TRPC5: variants seen among roughly 807,000 people sequenced by gnomAD.
TRPC5 encodes the protein transient receptor potential cation channel subfamily C member 5.
A neutral mutation model predicts 56.5 loss-of-function variants in TRPC5; 9 were observed. The observed-to-expected ratio is 0.16, with a 90% CI of 0.10 to 0.28. TRPC5 has a LOEUF of 0.28. Among genes scored for constraint, TRPC5 ranks in the 10% least tolerant of loss-of-function variants. The pLI, the probability that TRPC5 is intolerant of heterozygous loss-of-function variation, is 1.00. For synonymous variants in TRPC5, 282 were observed against 278.5 expected, an observed-to-expected ratio of 1.01 and a Z score of -0.13; for missense variants, 469 against 748.9, an observed-to-expected ratio of 0.63 and a Z score of 4.36.
chrX:111,973,578 C>T (rs1569528947), intron 1 of TRPC5, among the ~76,000 whole-genome samples: 1 of 111,530 alleles, frequency 9.0e-6, no homozygotes, highest in African/African-American at 3.3e-5. Context: ...TGCATACTGG[C>T]TTATAGTGAT....
intron 3 of TRPC5, among the ~76,000 whole-genome samples, chrX:111,909,438 G>A (rs1431282709): frequency 9.0e-6 from 1 of 110,791 alleles, no homozygotes; most frequent in African/African-American, 3.3e-5. Context: ...AAGTAAAATA[G>A]ACACTCCAAA....
chrX:112,061,307 G>A, intron 1 of TRPC5, among the ~76,000 whole-genome samples: 1 of 112,077 alleles, frequency 8.9e-6, no homozygotes, highest in Admixed American at 9.5e-5. Flanking sequence ...AGCCCTGTCA[G>A]ATTCCCTGTG....
chrX:111,907,082 A>T (rs62612026), intron 3 of TRPC5, among the ~76,000 whole-genome samples: 3,990 of 106,638 alleles, frequency 0.037, 89 homozygotes, highest in Non-Finnish European at 0.058. Flanking sequence ...CCATTCCCCT[A>T]CAGGCTTCTT....
intron 2 of TRPC5, among the ~76,000 whole-genome samples, chrX:111,932,846 T>C (rs1409717749): frequency 8.9e-6 from 1 of 111,840 alleles, no homozygotes; most frequent in Non-Finnish European, 1.9e-5. Context: ...CCTTCCTCCA[T>C]GAGGCTAATC....
intron 3 of TRPC5, among the ~76,000 whole-genome samples, chrX:111,899,195 AT>A (rs1229507203): frequency 1.8e-5 from 2 of 110,443 alleles, no homozygotes; most frequent in African/African-American, 3.3e-5. Context: ...AAGGTCACTA[AT>A]TTTTTTTCCC....
intron 7 of TRPC5, among the ~76,000 whole-genome samples, chrX:111,832,880 AAGG>A (rs1286793366): frequency 9.0e-6 from 1 of 111,431 alleles, no homozygotes; most frequent in African/African-American, 3.3e-5. Context: ...GCTCAGTGAG[AAGG>A]ACCACAGCCC....
chrX:112,016,168 A>T (rs1439918509), intron 1 of TRPC5, among the ~76,000 whole-genome samples: 1 of 111,702 alleles, frequency 9.0e-6, no homozygotes, highest in Non-Finnish European at 1.9e-5. Flanking sequence ...CTAGACAGAG[A>T]TGATGAGGTT....
chrX:111,809,136 C>T (rs1309382636), intron 7 of TRPC5, among the ~76,000 whole-genome samples: 1 of 110,902 alleles, frequency 9.0e-6, no homozygotes, highest in Non-Finnish European at 1.9e-5. Context: ...GTGGTACAAG[C>T]ACTCCCTTGG....
chrX:111,782,187 T>A (rs776298150), intron 7 of TRPC5, 49 bp from the exon 8 acceptor site: 3 of 1,071,672 alleles, frequency 2.8e-6, no homozygotes, highest in Non-Finnish European at 3.8e-6. Context: ...AACTGCACGA[T>A]GTACTCACTT....
intron 1 of TRPC5, among the ~76,000 whole-genome samples, chrX:111,986,425 TCC>T (rs766695680): frequency 4.4e-4 from 49 of 110,483 alleles, no homozygotes; most frequent in African/African-American, 1.6e-3. Context: ...ATAGTATACC[TCC>T]TCATGGTTTG....
At chrX:111,985,869 G>A (rs1928198547) in intron 1 of TRPC5, among the ~76,000 whole-genome samples, 1 of 111,671 alleles carries the variant, frequency 9.0e-6, no homozygotes, top group Non-Finnish European at 1.9e-5. Context: ...GCAGTTGAGT[G>A]CTGCACTTGG....
At chrX:112,006,520 C>T (rs1928849179) in intron 1 of TRPC5, among the ~76,000 whole-genome samples, 1 of 111,243 alleles carries the variant, frequency 9.0e-6, no homozygotes, top group South Asian at 3.8e-4. Flanking sequence ...GGAATTTGCC[C>T]AAAGTCATAC....
At chrX:111,913,876 C>T (rs1454910222) in intron 2 of TRPC5, among the ~76,000 whole-genome samples, 1 of 106,849 alleles carries the variant, frequency 9.4e-6, no homozygotes, top group African/African-American at 3.4e-5. Context: ...AGGAGAATGG[C>T]ATGAACCCAG....
At chrX:111,812,997 C>A (rs1246623518) in intron 7 of TRPC5, among the ~76,000 whole-genome samples, 2 of 112,169 alleles carry the variant, frequency 1.8e-5, no homozygotes, top group Non-Finnish European at 3.8e-5. Context: ...GTGGGACTAG[C>A]CTTTCACCTT....
intron 1 of TRPC5, among the ~76,000 whole-genome samples, chrX:111,982,575 T>C (rs895421715): frequency 9.0e-6 from 1 of 111,683 alleles, no homozygotes; most frequent in Admixed American, 9.5e-5. Flanking sequence ...TATGGAGTAG[T>C]AGTTCAATTT....
intron 1 of TRPC5, among the ~76,000 whole-genome samples, chrX:112,040,874 A>C (rs1348824406): frequency 8.9e-6 from 1 of 112,341 alleles, no homozygotes; most frequent in East Asian, 2.8e-4. Flanking sequence ...TCAGAGTTGA[A>C]GGAAATAGTG....
chrX:111,967,055 G>A (rs1461835435), intron 1 of TRPC5, among the ~76,000 whole-genome samples: 1 of 111,741 alleles, frequency 8.9e-6, no homozygotes, highest in Non-Finnish European at 1.9e-5. Flanking sequence ...GTTTGCAGAT[G>A]ACATGATTGT....
At chrX:111,848,742 C>T (rs1923000352) in intron 5 of TRPC5, among the ~76,000 whole-genome samples, 1 of 112,497 alleles carries the variant, frequency 8.9e-6, no homozygotes, top group Non-Finnish European at 1.9e-5. Context: ...ATTTGTGCTT[C>T]TGCTTCGGAT....
chrX:112,041,840 A>G (rs1200910165), intron 1 of TRPC5, among the ~76,000 whole-genome samples: 1 of 111,939 alleles, frequency 8.9e-6, no homozygotes, highest in Non-Finnish European at 1.9e-5. Context: ...AATATTGCTT[A>G]TAGCTCTGTA....
Sources: allele counts gnomAD v4.1 joint callset (sites outside exome capture counted in the v4.1 genomes callset), GRCh38; gene constraint gnomAD v4.1.1; transcripts MANE v1.5; gene names NCBI Gene and HGNC (gene_info 2026-07-23, HGNC 2026-07-21).